MYH10: variants seen among roughly 807,000 people sequenced by gnomAD.
MYH10 encodes the protein myosin heavy chain 10.
MYH10 carries 55 observed loss-of-function variants against 257.8 expected under a neutral mutation model. The ratio of observed to expected loss-of-function variants is 0.21; its 90% confidence interval spans 0.17 to 0.27. MYH10 has a LOEUF of 0.27. Ranked by LOEUF, MYH10 falls within the 10% of genes least tolerant of loss-of-function variation. The pLI, the probability that MYH10 is intolerant of heterozygous loss-of-function variation, is 1.00. For missense variants in MYH10, 1,631 were observed against 2,500.6 expected, an observed-to-expected ratio of 0.65 and a Z score of 7.42; for synonymous variants, 854 against 921.7, an observed-to-expected ratio of 0.93 and a Z score of 1.33.
Position 8,545,527 on chromosome 17 carries a change from T to C in MYH10, c.1352A>G (p.Asn451Ser), listed in dbSNP as rs973097442. The C allele has an allele frequency of 7.4e-6, 12 of 1,614,190 alleles. No homozygotes were observed. Among genetic ancestry groups the C allele is most frequent in the South Asian group, 3.3e-5 (3 of 91,078 alleles). Residue 451 changes from asparagine to serine, a missense_variant, in exon 13 of 43, where the codon AAT becomes AGT. Around this residue, in one of 11 missense-constraint regions of MYH10, gnomAD observed 360 missense variants for 581.9 expected, o/e 0.62. Coordinates refer to ENST00000360416, the MANE Select transcript of MYH10 (RefSeq NM_001256012.3). The surrounding 1 kb of genome is among the most constrained non-coding windows in gnomAD (Gnocchi z 4.7). Reference sequence around the variant, plus strand: ...ACGTTTGGTCCTATCCAGAGCTTTATTGATGCGATGAACGAGCCAGCGAAA... The same window carrying C: ...ACGTTTGGTCCTATCCAGAGCTTTACTGATGCGATGAACGAGCCAGCGAAA... ...RLFRWLVHRI[N>S]KALDRTKRQG...
chr17:8,509,757 T>C, intron 25 of MYH10, 55 bp downstream of exon 25: 8 of 1,524,768 alleles, frequency 5.2e-6, no homozygotes, highest in Non-Finnish European at 7.1e-6. Flanking sequence ...CAACATAATA[T>C]TATATAAATA....
In MYH10 at chr17:8,490,105, C is replaced by A. The variant is rs1338204040; in HGVS notation, c.4884+235G>T. On this transcript the variant is annotated intron_variant, in intron 35 of 42. Transcript: ENST00000360416. This position sits in a 1 kb window ranked among gnomAD's most constrained non-coding sequence, Gnocchi z 4.1. ...TGGGAGTCCACTGAGGGCTTTCTGA[C>A]TGATAAGTGTCTGGCTTGTAGGCAG... is the stretch of plus-strand genomic sequence containing the variant. The A allele has an allele frequency of 2.3e-6, 1 of 433,464 alleles. No homozygotes were observed. Among genetic ancestry groups the A allele is most frequent in the Non-Finnish European group, 4.2e-6 (1 of 238,398 alleles). The allele number at this position is 433,464 out of a possible 1,614,324, so 26.9% of individuals were successfully genotyped here. A position where few individuals can be genotyped will look rare whatever the true frequency, so the allele number is the denominator to read the frequency against.
intron 27 of MYH10, among the ~76,000 whole-genome samples, chr17:8,505,144 C>T (rs923088203): frequency 8.8e-5 from 4 of 45,200 alleles, no homozygotes; most frequent in African/African-American, 4.7e-4. Flanking sequence ...AGATTCCAGC[C>T]CCAGCCCCCT....
rs138073895 is a variant in MYH10 at position 8,564,750 on chromosome 17, A to G, written c.756+4970T>C. ...GGGCACTATGCTAGGAACCAAAGAT[A>G]CAAAGTCCCTACTGACAAAGATCTT... On this transcript the variant is annotated intron_variant, in intron 7 of 42. Coordinates refer to ENST00000360416, the MANE Select transcript of MYH10 (RefSeq NM_001256012.3). Among the ~76,000 whole-genome samples the G allele has an allele frequency of 6.1e-3, 932 of 152,336 alleles. 16 individuals are homozygous for G. The highest frequency in any genetic ancestry group is 0.02 in the African/African-American group (836 of 41,572).
In MYH10 at chr17:8,493,721, G is replaced by A. The variant is rs202208360; in HGVS notation, c.4209+12C>T. 2 of 1,609,876 alleles carry A rather than the reference G, an allele frequency of 1.2e-6. No homozygotes were observed. The highest frequency in any genetic ancestry group is 1.7e-6 in the Non-Finnish European group (2 of 1,178,310). On this transcript the variant is annotated intron_variant, in intron 32 of 42. Coordinates refer to ENST00000360416, the MANE Select transcript of MYH10 (RefSeq NM_001256012.3). ...ATCGAGGCCACCGCGGCCTCCTAAAGAGGACGCACACCTGGGACTGCAGGG... is the reference window on the plus strand; with the variant it reads ...ATCGAGGCCACCGCGGCCTCCTAAAAAGGACGCACACCTGGGACTGCAGGG...
intron 30 of MYH10, among the ~76,000 whole-genome samples, chr17:8,496,522 G>A (rs149842761): frequency 6.6e-6 from 1 of 152,302 alleles, no homozygotes; most frequent in Non-Finnish European, 1.5e-5. Context: ...GGTTGACTGA[G>A]GTTTAAATGG....
intron 37 of MYH10, among the ~76,000 whole-genome samples, chr17:8,483,067 C>G (rs564216936): frequency 6.6e-6 from 1 of 152,150 alleles, no homozygotes; most frequent in African/African-American, 2.4e-5. Flanking sequence ...ACTTAAAAAA[C>G]AAGCAAATGC....
chr17:8,502,516 T>G (rs1310915125), intron 28 of MYH10, among the ~76,000 whole-genome samples: 1 of 106,880 alleles, frequency 9.4e-6, no homozygotes, highest in African/African-American at 3.0e-5. Flanking sequence ...TCCTCATCCC[T>G]ACTTAAATCC....
At chr17:8,548,592 T>A (rs1597799083) in intron 10 of MYH10, 52 bp downstream of exon 10, 2 of 1,585,310 alleles carry the variant, frequency 1.3e-6, no homozygotes, top group East Asian at 4.5e-5. Flanking sequence ...TTACCCCAGA[T>A]GTATAAGTCT....
chr17:8,511,037 TATATATATATATATATATATATACAC>T lies in MYH10; in HGVS notation c.2953-1114_2953-1089del, dbSNP rs1249938441. On this transcript the variant is annotated intron_variant, in intron 24 of 42. Coordinates refer to ENST00000360416, the MANE Select transcript of MYH10 (RefSeq NM_001256012.3). ...CCCCATATATATATATATATATATATATATATATATATATATATATATACACACATACATACATACACACACACACA... is the reference window on the plus strand; with the variant it reads ...CCCCATATATATATATATATATATATACATACATACATACACACACACACA... The T allele has an allele frequency of 6.2e-4, 11 of 17,630 alleles. 1 individual carries two copies. Among genetic ancestry groups the T allele is most frequent in the African/African-American group, 1.3e-3 (11 of 8,386 alleles). 1.1% of individuals were successfully genotyped at this position (17,630 alleles called of 1,614,324 possible).
At chr17:8,568,802 G>C (rs1256406376) in intron 7 of MYH10, among the ~76,000 whole-genome samples, 2 of 151,880 alleles carry the variant, frequency 1.3e-5, no homozygotes, top group African/African-American at 4.8e-5. Flanking sequence ...GGTGGAAAGG[G>C]GCAGTGTCTC....
At chr17:8,605,062 A>G in intron 2 of MYH10, 80 bp from the exon 3 acceptor site, 1 of 720,150 alleles carries the variant, frequency 1.4e-6, no homozygotes. Flanking sequence ...GACAGAAACC[A>G]AAGAGTCATT....
chr17:8,480,646 T>G, intron 38 of MYH10, 121 bp from the exon 39 acceptor site: 18 of 1,353,904 alleles, frequency 1.3e-5, no homozygotes, highest in Non-Finnish European at 1.8e-5. Context: ...GAATTTTCTC[T>G]TTCCCCTGCA....
chr17:8,524,449 CAAAAAAAAAAAAAAAAAAAAAAAAAAAA>C (rs541255427), intron 17 of MYH10, among the ~76,000 whole-genome samples: 13 of 62,158 alleles, frequency 2.1e-4, no homozygotes, highest in Middle Eastern at 0.013. Flanking sequence ...GACTCTGTCT[CAAAAAAAAAAAAAAAAAAAAAAAAAAAA>C]AAAAAAAAAA....
chr17:8,479,265 C>T (rs899196997), intron 40 of MYH10, among the ~76,000 whole-genome samples: 1 of 150,990 alleles, frequency 6.6e-6, no homozygotes, highest in African/African-American at 2.4e-5. Flanking sequence ...CCCTACACTC[C>T]CTCTTTGGTT....
chr17:8,485,457 C>CTTTTTTTTTTTTTTTGTTTTTTTTT (rs1914599736), intron 36 of MYH10, among the ~76,000 whole-genome samples: 1 of 121,182 alleles, frequency 8.3e-6, no homozygotes, highest in African/African-American at 3.1e-5. Flanking sequence ...CCCAAGCTGG[C>CTTTTTTTTTTTTTTTGTTTTTTTTT]TTTTTTTTTT....
intron 35 of MYH10, among the ~76,000 whole-genome samples, chr17:8,487,865 G>C (rs190728226): frequency 6.6e-6 from 1 of 152,222 alleles, no homozygotes; most frequent in East Asian, 1.9e-4. Flanking sequence ...ACCTGAGCTC[G>C]GTGTAGATGA....
At chr17:8,563,366 A>C (rs1021102325) in intron 7 of MYH10, among the ~76,000 whole-genome samples, 8 of 152,236 alleles carry the variant, frequency 5.3e-5, no homozygotes, top group Non-Finnish European at 8.8e-5. Context: ...CCATGGACTG[A>C]TTAGAAAGAG....
intron 2 of MYH10, among the ~76,000 whole-genome samples, chr17:8,616,577 A>G (rs1320339067): frequency 6.6e-6 from 1 of 152,070 alleles, no homozygotes; most frequent in Non-Finnish European, 1.5e-5. Flanking sequence ...AATAAATAAC[A>G]AAAGATGTAC....
Sources: allele counts gnomAD v4.1 joint callset (sites outside exome capture counted in the v4.1 genomes callset), GRCh38; gene constraint gnomAD v4.1.1; regional missense constraint gnomAD v4.1.1; non-coding constraint Gnocchi (gnomAD v3.1); transcripts MANE v1.5; gene names NCBI Gene and HGNC (gene_info 2026-07-23, HGNC 2026-07-21).